The following IFNA17 variants were observed in gnomAD, a reference collection of about 807,000 sequenced individuals.
IFNA17 encodes interferon alpha-17.
For synonymous variants in IFNA17, 107 were observed against 80.5 expected, an observed-to-expected ratio of 1.33 and a Z score of -1.76; for missense variants, 285 against 212.7, an observed-to-expected ratio of 1.34 and a Z score of -2.11.
rs1393722936 is a variant in IFNA17, at chr9:21,227,483, A to T, written c.*121T>A. The T allele has an allele frequency of 6.7e-7, 1 of 1,487,424 alleles. No homozygotes were observed. The highest frequency in any genetic ancestry group is 1.4e-5 in the African/African-American group (1 of 71,252). The allele number at this position is 1,487,424 out of a possible 1,614,324, so 92.1% of individuals were successfully genotyped here. A position where few individuals can be genotyped will look rare whatever the true frequency, so the allele number is the denominator to read the frequency against. The stretch of plus-strand genomic sequence containing the variant: ...GACGCTTCTTTACACTGCTGAAAAC[A>T]TTTGAAAATTTTGATTCAACTCGTG... On this transcript the variant is annotated 3_prime_UTR_variant, in exon 1 of 1. Transcript: ENST00000413767.
chr9:21,227,712 T>C lies in IFNA17; in HGVS notation c.462A>G (p.Leu154=), dbSNP rs763889030. 1.4e-5 allele frequency: 22 copies of C among 1,614,002 alleles called. 1 individual carries two copies. The highest frequency in any genetic ancestry group is 6.7e-5 in the East Asian group (3 of 44,870). The change falls in exon 1 of 1, where the codon CTA becomes CTG. Residue 154 remains leucine, a synonymous_variant. Transcript: ENST00000413767. ...RKYFQRITLY[L]TEKKYSPCAW... is the part of the protein sequence containing the mutation. ...CACAAGGGCTGTATTTCTTCTCTGT[T>C]AGATAAAGAGTGATTCTTTGGAAGT...
At position 21,227,776 on chromosome 9, in the gene IFNA17, G is replaced by C. The variant is rs768677578; in HGVS notation, c.398C>G (p.Pro133Arg). 9.3e-6 allele frequency: 15 copies of C among 1,613,830 alleles called. No homozygotes were observed. Among genetic ancestry groups the C allele is most frequent in the Non-Finnish European group, 1.3e-5 (15 of 1,179,964 alleles). ...CAGGATGGAGTCCTCATTCATCAGG[G>C]GAGTCTCTTCCATCCCAACCTCCTG... is the stretch of plus-strand genomic sequence containing the variant. Reference protein sequence around the residue: ...VIQEVGMEETPLMNEDSILAV... With the variant: ...VIQEVGMEETRLMNEDSILAV... The change falls in exon 1 of 1, where the codon CCC becomes CGC. Residue 133 changes from proline to arginine, a missense_variant. Transcript: ENST00000413767.
chr9:21,227,273 T>A lies in IFNA17; in HGVS notation c.*331A>T, dbSNP rs1818636724. 6.5e-6 allele frequency: 1 copy of A among 154,012 alleles called. No individual in the cohort carries two copies. The highest frequency in any genetic ancestry group is 1.4e-5 in the Non-Finnish European group (1 of 69,246). 9.5% of individuals were successfully genotyped at this position (154,012 alleles called of 1,614,324 possible). On this transcript the variant is annotated 3_prime_UTR_variant, in exon 1 of 1. Transcript: ENST00000413767. The stretch of plus-strand genomic sequence containing the variant: ...GTAAAAATTTAATGAAAAAGGAAAT[T>A]AATATATTGGCTAAATATGAAGAAC...
Position 21,228,157 on chromosome 9 carries a change from G to T in IFNA17, c.17C>A (p.Ser6Tyr). 1 of 1,613,254 alleles carries T rather than the reference G, an allele frequency of 6.2e-7. No homozygotes were observed. Among genetic ancestry groups the T allele is most frequent in the Non-Finnish European group, 8.5e-7 (1 of 1,179,592 alleles). MALSFSLLMAVLVLSY... is the reference protein window; with the variant it reads MALSFYLLMAVLVLSY... Reference sequence around the variant, plus strand: ...GAGCACCAGCACGGCCATCAGTAAAGAAAAGGACAGGGCCATTGGGATGTT... The same window carrying T: ...GAGCACCAGCACGGCCATCAGTAAATAAAAGGACAGGGCCATTGGGATGTT... Residue 6 changes from serine (S) to tyrosine (Y), a missense_variant, in exon 1 of 1, where the codon TCT becomes TAT. By Grantham distance (144) the Ser-to-Tyr change is moderately radical (BLOSUM62 -2). Coordinates refer to ENST00000413767, the MANE Select transcript of IFNA17 (RefSeq NM_021268.2).
Position 21,227,950 on chromosome 9 carries a change from T to G in IFNA17, c.224A>C (p.Gln75Pro), listed in dbSNP as rs762207214. 1.1e-5 allele frequency: 17 copies of G among 1,613,880 alleles called. No individual in the cohort carries two copies. The highest frequency in any genetic ancestry group is 1.3e-5 in the Non-Finnish European group (15 of 1,179,966). ...CATCTCATGGAGGACAGAGATGGCT[T>G]GAGTCTTCTGGAACTGGTTGCCATC... ...EFDGNQFQKT[Q>P]AISVLHEMIQ... Residue 75 changes from glutamine to proline, a missense_variant, in exon 1 of 1, where the codon CAA becomes CCA. Gln to Pro is a moderately conservative substitution (Grantham distance 76). Transcript: ENST00000413767.
At chr9:21,227,662 AT>A in the IFNA17 span, 1 of 1,613,110 alleles carries the variant, frequency 6.2e-7, no homozygotes, top group Non-Finnish European at 8.5e-7. Context: ...AGATCTCATG[AT>A]TTCTGCTCTG....
rs1245163215 is a variant in IFNA17 at position 21,227,977 on chromosome 9, A to T, written c.197T>A (p.Phe66Tyr). Reference sequence around the variant, plus strand: ...AGTCTTCTGGAACTGGTTGCCATCAAACTCCTCCTGGGGAAGTCCAAAGTC... The same window carrying T: ...AGTCTTCTGGAACTGGTTGCCATCATACTCCTCCTGGGGAAGTCCAAAGTC... ...RHDFGLPQEE[F>Y]DGNQFQKTQA... is the part of the protein sequence containing the mutation. Residue 66 changes from phenylalanine (F) to tyrosine (Y), a missense_variant, in exon 1 of 1, where the codon TTT becomes TAT. By Grantham distance (22) the Phe-to-Tyr change is conservative. Coordinates refer to ENST00000413767, the MANE Select transcript of IFNA17 (RefSeq NM_021268.2). 1 of 1,614,034 alleles carries T rather than the reference A, an allele frequency of 6.2e-7. No individual in the cohort carries two copies. Among genetic ancestry groups the T allele is most frequent in the Non-Finnish European group, 8.5e-7 (1 of 1,179,984 alleles).
In IFNA17 at chr9:21,227,988, G is replaced by C; in HGVS notation, c.186C>G (p.Pro62=). 6.2e-7 allele frequency: 1 copy of C among 1,613,910 alleles called. No individual in the cohort carries two copies. Among genetic ancestry groups the C allele is most frequent in the Non-Finnish European group, 8.5e-7 (1 of 1,179,936 alleles). Residue 62 remains proline (P), a synonymous_variant, in exon 1 of 1, where the codon CCC becomes CCG. Transcript: ENST00000413767. ...ACTGGTTGCCATCAAACTCCTCCTG[G>C]GGAAGTCCAAAGTCATGTCTGTCCT... The part of the protein sequence containing the change: ...CLKDRHDFGL[P]QEEFDGNQFQ...
Position 21,227,351 on chromosome 9 carries a change from A to T in IFNA17, c.*253T>A. The T allele has an allele frequency of 4.8e-6, 1 of 210,350 alleles. No individual in the cohort carries two copies. Among genetic ancestry groups the T allele is most frequent in the East Asian group, 1.2e-4 (1 of 8,652 alleles). 13.0% of individuals were successfully genotyped at this position (210,350 alleles called of 1,614,324 possible). On this transcript the variant is annotated 3_prime_UTR_variant, in exon 1 of 1. Coordinates refer to ENST00000413767, the MANE Select transcript of IFNA17 (RefSeq NM_021268.2). Reference sequence around the variant, plus strand: ...AAGGTACACATGATATTACATAAAAAAATAATTTAAATCTTAAAAATAATT... The same window carrying T: ...AAGGTACACATGATATTACATAAAATAATAATTTAAATCTTAAAAATAATT...
chr9:21,228,014 T>C lies in IFNA17; in HGVS notation c.160A>G (p.Lys54Glu). ...GGAAGTCCAAAGTCATGTCTGTCCT[T>C]CAGGCAGGAGAAAGGAGAGATTCTT... ...MGRISPFSCL[K>E]DRHDFGLPQE... is the part of the protein sequence containing the mutation. Residue 54 changes from lysine (K) to glutamate (E), a missense_variant, in exon 1 of 1, where the codon AAG (lysine) becomes GAG (glutamate). Physicochemically the swap from Lys to Glu is moderately conservative, Grantham distance 56. Transcript: ENST00000413767. The C allele has an allele frequency of 6.2e-7, 1 of 1,614,082 alleles. No homozygotes were observed. Among genetic ancestry groups the C allele is most frequent in the South Asian group, 1.1e-5 (1 of 91,078 alleles).
At position 21,227,943 on chromosome 9, in the gene IFNA17, G is replaced by T. The variant is rs10117962; in HGVS notation, c.231C>A (p.Ile77=). The change falls in exon 1 of 1, where the codon ATC becomes ATA. Residue 77 remains isoleucine (I), a synonymous_variant. Coordinates refer to ENST00000413767, the MANE Select transcript of IFNA17 (RefSeq NM_021268.2). ...GCTGGATCATCTCATGGAGGACAGA[G>T]ATGGCTTGAGTCTTCTGGAACTGGT... The part of the protein sequence containing the change: ...DGNQFQKTQA[I]SVLHEMIQQT... 0.19 allele frequency: 305,513 copies of T among 1,613,526 alleles called. 33,987 individuals carry two copies. The highest frequency in any genetic ancestry group is 0.53 in the East Asian group (23,975 of 44,826).
rs764371874 is a variant in IFNA17, at chr9:21,227,856, T to C, written c.318A>G (p.Glu106=). The C allele has an allele frequency of 5.6e-6, 9 of 1,613,788 alleles. No individual in the cohort carries two copies. The highest frequency in any genetic ancestry group is 7.6e-6 in the Non-Finnish European group (9 of 1,179,876). ...SSAAWEQSLL[E]KFSTELYQQL... ...GCTGGTAAAGTTCAGTGGAAAATTTTTCTAGGAGGCTCTGTTCCCAAGCAG... is the reference window on the plus strand; with the variant it reads ...GCTGGTAAAGTTCAGTGGAAAATTTCTCTAGGAGGCTCTGTTCCCAAGCAG... The change falls in exon 1 of 1, where the codon GAA becomes GAG. Residue 106 remains glutamate, a synonymous_variant. Coordinates refer to ENST00000413767, the MANE Select transcript of IFNA17 (RefSeq NM_021268.2).
Position 21,228,214 on chromosome 9 carries a change from A to C in IFNA17, c.-41T>G, listed in dbSNP as rs1818658202. The stretch of plus-strand genomic sequence containing the variant: ...GTTGCTAGGCTACTTGAGATGGGTA[A>C]CCTTGAACTTTGGCCTCTAGGTTTT... On this transcript the variant is annotated 5_prime_UTR_variant, in exon 1 of 1. Transcript: ENST00000413767. 6.3e-7 allele frequency: 1 copy of C among 1,576,978 alleles called. No homozygotes were observed. Among genetic ancestry groups the C allele is most frequent in the South Asian group, 1.2e-5 (1 of 84,512 alleles).
In IFNA17 at chr9:21,227,751, C is replaced by T. The variant is rs1563820440; in HGVS notation, c.423G>A (p.Leu141=). ...TTCTTTGGAAGTATTTCCTCACAGC[C>T]AGGATGGAGTCCTCATTCATCAGGG... ...ETPLMNEDSI[L]AVRKYFQRIT... Residue 141 remains leucine, a synonymous_variant, in exon 1 of 1, where the codon CTG becomes CTA. Coordinates refer to ENST00000413767, the MANE Select transcript of IFNA17 (RefSeq NM_021268.2). 3.7e-6 allele frequency: 6 copies of T among 1,614,028 alleles called. No homozygotes were observed. Among genetic ancestry groups the T allele is most frequent in the African/African-American group, 1.3e-5 (1 of 75,012 alleles).
In IFNA17 at chr9:21,227,457, C is replaced by A. The variant is rs564400211; in HGVS notation, c.*147G>T. On this transcript the variant is annotated 3_prime_UTR_variant, in exon 1 of 1. Coordinates refer to ENST00000413767, the MANE Select transcript of IFNA17 (RefSeq NM_021268.2). ...GTACTAGTGCCTGCACAGGTATACA[C>A]GACGCTTCTTTACACTGCTGAAAAC... 6 of 1,259,388 alleles carry A rather than the reference C, an allele frequency of 4.8e-6. No individual in the cohort carries two copies. Among genetic ancestry groups the A allele is most frequent in the Non-Finnish European group, 1.1e-6 (1 of 908,038 alleles). 78.0% of individuals were successfully genotyped at this position (1,259,388 alleles called of 1,614,324 possible).
At position 21,228,189 on chromosome 9, in the gene IFNA17, G is replaced by A. The variant is rs1062561; in HGVS notation, c.-16C>T. The stretch of plus-strand genomic sequence containing the variant: ...ACAGGGCCATTGGGATGTTGCAAAT[G>A]TTGCTAGGCTACTTGAGATGGGTAA... On this transcript the variant is annotated 5_prime_UTR_variant, in exon 1 of 1. Coordinates refer to ENST00000413767, the MANE Select transcript of IFNA17 (RefSeq NM_021268.2). 3.5e-5 allele frequency: 56 copies of A among 1,601,594 alleles called. No individual in the cohort carries two copies. The highest frequency in any genetic ancestry group is 3.3e-4 in the Middle Eastern group (2 of 6,014).
Position 21,227,706 on chromosome 9 carries a change from C to T in IFNA17, c.468G>A (p.Glu156=), listed in dbSNP as rs1587917655. Residue 156 remains glutamate (E), a synonymous_variant, in exon 1 of 1, where the codon GAG becomes GAA. Transcript: ENST00000413767. Reference sequence around the variant, plus strand: ...CCCAGGCACAAGGGCTGTATTTCTTCTCTGTTAGATAAAGAGTGATTCTTT... The same window carrying T: ...CCCAGGCACAAGGGCTGTATTTCTTTTCTGTTAGATAAAGAGTGATTCTTT... ...YFQRITLYLT[E]KKYSPCAWEV... is the part of the protein sequence containing the mutation. 1.2e-6 allele frequency: 2 copies of T among 1,614,060 alleles called. No homozygotes were observed. Among genetic ancestry groups the T allele is most frequent in the East Asian group, 2.2e-5 (1 of 44,868 alleles).
chr9:21,228,124 T>C lies in IFNA17; in HGVS notation c.50A>G (p.Lys17Arg), dbSNP rs1818655091. ...LLMAVLVLSY[K>R]SICSLGCDLP... ...ATCACAGCCTAGAGAACAGATGGAT[T>C]TGTAGCTGAGCACCAGCACGGCCAT... is the stretch of plus-strand genomic sequence containing the variant. The change falls in exon 1 of 1, where the codon AAA (lysine) becomes AGA (arginine). Residue 17 changes from lysine to arginine, a missense_variant. By Grantham distance (26) the Lys-to-Arg change is conservative. Coordinates refer to ENST00000413767, the MANE Select transcript of IFNA17 (RefSeq NM_021268.2). The C allele has an allele frequency of 6.2e-7, 1 of 1,614,026 alleles. No individual in the cohort carries two copies.
At position 21,227,801 on chromosome 9, in the gene IFNA17, G is replaced by T. The variant is rs757718415; in HGVS notation, c.373C>A (p.Gln125Lys). 6.2e-7 allele frequency: 1 copy of T among 1,613,890 alleles called. No homozygotes were observed. Among genetic ancestry groups the T allele is most frequent in the Non-Finnish European group, 8.5e-7 (1 of 1,179,930 alleles). ...GGAGTCTCTTCCATCCCAACCTCCT[G>T]TATCACACATGCTTCCAGGTTATTC... ...QLNNLEACVI[Q>K]EVGMEETPLM... is the part of the protein sequence containing the mutation. Residue 125 changes from glutamine to lysine, a missense_variant, in exon 1 of 1, where the codon CAG (glutamine) becomes AAG (lysine). Physicochemically the swap from Gln to Lys is moderately conservative, Grantham distance 53 (BLOSUM62 1). Coordinates refer to ENST00000413767, the MANE Select transcript of IFNA17 (RefSeq NM_021268.2).
Sources: allele counts gnomAD v4.1 joint callset, GRCh38; gene constraint gnomAD v4.1.1; transcripts MANE v1.5; gene names NCBI Gene and HGNC (gene_info 2026-07-23, HGNC 2026-07-21).